SYT7: variants seen among roughly 807,000 people sequenced by gnomAD.
The protein encoded by SYT7 is synaptotagmin 7, also known as synaptotagmin-7.
In SYT7, 29 loss-of-function variants were observed where a neutral mutation model predicts 75.1. The observed-to-expected ratio is 0.39, with a 90% CI of 0.29 to 0.53. The LOEUF (loss-of-function observed/expected upper bound fraction) is 0.53, where lower values mean the gene tolerates loss of function less well. SYT7 is among the 20% of genes least tolerant of loss of function. The probability of loss-of-function intolerance (pLI) is 0.77; values close to 1 mark genes in which losing one functional copy is unlikely to be tolerated. For missense variants in SYT7, 693 were observed against 953.2 expected (o/e 0.73, Z 3.59); for synonymous variants, 376 against 401.7 (o/e 0.94, Z 0.76).
At chr11:61,560,909 C>T (rs1298011999) in intron 1 of SYT7, among the ~76,000 whole-genome samples, 1 of 152,098 alleles carries the variant, frequency 6.6e-6, no homozygotes, top group Non-Finnish European at 1.5e-5. Context: ...GTACCTCTCG[C>T]AGAGCCGAAT....
intron 5 of SYT7, among the ~76,000 whole-genome samples, chr11:61,544,494 G>C (rs1378858203): frequency 6.6e-6 from 1 of 152,184 alleles, no homozygotes; most frequent in African/African-American, 2.4e-5. Context: ...TGAAATCCAG[G>C]CTACCTCCAG....
rs772515471 is a variant in SYT7 at position 61,556,226 on chromosome 11, G to C, written c.32-19C>G. 1.2e-6 allele frequency: 2 copies of C among 1,604,000 alleles called. No individual in the cohort carries two copies. The highest frequency in any genetic ancestry group is 1.1e-5 in the South Asian group (1 of 89,718). ...GGCGCCCCTGGGGAGGACAGGTACA[G>C]GTCACACCCTCATTGGCCAGGGCCT... On this transcript the variant is annotated intron_variant, in intron 1 of 12. Coordinates refer to ENST00000539008, the MANE Select transcript of SYT7 (RefSeq NM_001365809.2).
intron 8 of SYT7, among the ~76,000 whole-genome samples, chr11:61,531,537 G>C (rs571137965): frequency 2.6e-4 from 39 of 152,148 alleles, no homozygotes; most frequent in African/African-American, 8.9e-4. Flanking sequence ...GGAGAGGTGG[G>C]GAGGCCCAAG....
At chr11:61,544,817 C>A (rs2063140094) in intron 5 of SYT7, among the ~76,000 whole-genome samples, 2 of 152,198 alleles carry the variant, frequency 1.3e-5, no homozygotes, top group Admixed American at 6.5e-5. Context: ...GTGGGACCCT[C>A]CTGGGGCCAG....
At chr11:61,581,663 C>CT (rs2064278992), upstream of SYT7, among the ~76,000 whole-genome samples, 1 of 152,226 alleles carries the variant, frequency 6.6e-6, no homozygotes, top group Non-Finnish European at 1.5e-5. Flanking sequence ...CAGGTGGAGC[C>CT]GAAAGGGCTA....
chr11:61,558,980 G>A (rs1413789010), intron 1 of SYT7, among the ~76,000 whole-genome samples: 1 of 152,158 alleles, frequency 6.6e-6, no homozygotes, highest in Non-Finnish European at 1.5e-5. Context: ...CTGACCTCAG[G>A]TGATCCATCC....
intron 6 of SYT7, chr11:61,541,125 CAG>C: frequency 1.0e-6 from 1 of 985,516 alleles, no homozygotes; most frequent in Non-Finnish European, 1.2e-6. Context: ...GCTGAGGTCT[CAG>C]AGGAGAGACA....
chr11:61,588,305 G>T, the SYT7 span, among the ~76,000 whole-genome samples: 1 of 152,154 alleles, frequency 6.6e-6, no homozygotes, highest in Non-Finnish European at 1.5e-5. Flanking sequence ...TGCCAGGCCC[G>T]GGTGCCAAGT....
rs1388578660 is a variant in SYT7 at position 61,546,337 on chromosome 11, T to G, written c.348-82A>C. 4.3e-6 allele frequency: 4 copies of G among 928,914 alleles called. No individual in the cohort carries two copies. Among genetic ancestry groups the G allele is most frequent in the Non-Finnish European group, 6.1e-6 (4 of 658,206 alleles). The allele number at this position is 928,914 out of a possible 1,614,324, so 57.5% of individuals were successfully genotyped here. On this transcript the variant is annotated intron_variant, in intron 4 of 12. Transcript: ENST00000539008. The surrounding 1 kb of genome is among the most constrained non-coding windows in gnomAD (Gnocchi z 7.6). ...AGAGAGGGCAGGCCATACGTGGGGG[T>G]CGGGGGGTGGAAGAGGAAGAAAAAC... is the stretch of plus-strand genomic sequence containing the variant.
At chr11:61,532,302 T>G (rs113394075) in intron 8 of SYT7, among the ~76,000 whole-genome samples, 1 of 152,050 alleles carries the variant, frequency 6.6e-6, no homozygotes, top group African/African-American at 2.4e-5. Context: ...CTTTGGAAAG[T>G]ACAGGTGGGG....
intron 1 of SYT7, among the ~76,000 whole-genome samples, chr11:61,558,563 G>A (rs1338745466): frequency 6.6e-6 from 1 of 151,278 alleles, no homozygotes; most frequent in African/African-American, 2.5e-5. Flanking sequence ...GAGGGTGTGT[G>A]TTTGTTGGGG....
intron 3 of SYT7, among the ~76,000 whole-genome samples, chr11:61,547,817 G>C (rs1035786587): frequency 6.6e-6 from 1 of 152,172 alleles, no homozygotes; most frequent in African/African-American, 2.4e-5. Context: ...CCTGTCAAAG[G>C]AGAAGACTGG....
upstream of SYT7, among the ~76,000 whole-genome samples, chr11:61,584,888 G>T (rs1207254635): frequency 6.6e-6 from 1 of 152,246 alleles, no homozygotes; most frequent in African/African-American, 2.4e-5. Flanking sequence ...CCCTACAGAA[G>T]GGGGGCCCAA....
intron 9 of SYT7, among the ~76,000 whole-genome samples, chr11:61,527,596 C>T (rs1158374877): frequency 6.6e-6 from 1 of 152,168 alleles, no homozygotes; most frequent in South Asian, 2.1e-4. Flanking sequence ...CCCAGCTTCC[C>T]TCCTCGGCCT....
intron 6 of SYT7, among the ~76,000 whole-genome samples, chr11:61,538,589 G>A (rs536624110): frequency 2.6e-4 from 39 of 152,260 alleles, no homozygotes; most frequent in African/African-American, 8.7e-4. Context: ...GAGCTAAACT[G>A]CAAGGGGCTG....
rs1214842941 is a variant in SYT7, at chr11:61,514,008, G to C, written c.*4619C>G. On this transcript the variant is annotated 3_prime_UTR_variant, in exon 13 of 13. Coordinates refer to ENST00000539008, the MANE Select transcript of SYT7 (RefSeq NM_001365809.2). ...CCAGAAAGCAGCAGTATCCAGGGGG[G>C]GACTCACAGGAGAAAGAAAACACCA... 6.6e-6 allele frequency among the ~76,000 whole-genome samples: 1 copy of C among 152,012 alleles called. No individual in the cohort carries two copies. Among genetic ancestry groups the C allele is most frequent in the Non-Finnish European group, 1.5e-5 (1 of 68,024 alleles).
Position 61,523,217 on chromosome 11 carries a change from G to C in SYT7, c.1814C>G (p.Thr605Arg). 6.2e-7 allele frequency: 1 copy of C among 1,614,158 alleles called. No homozygotes were observed. Among genetic ancestry groups the C allele is most frequent in the Non-Finnish European group, 8.5e-7 (1 of 1,180,046 alleles). The change falls in exon 12 of 13, where the codon ACG becomes AGG. Residue 605 changes from threonine to arginine, a missense_variant. By Grantham distance (71) the Thr-to-Arg change is moderately conservative. Around this residue, in one of 2 missense-constraint regions of SYT7, gnomAD observed 206 missense variants for 360.0 expected, o/e 0.57. Coordinates refer to ENST00000539008, the MANE Select transcript of SYT7 (RefSeq NM_001365809.2). This position sits in a 1 kb window ranked among gnomAD's most constrained non-coding sequence, Gnocchi z 5.0. ...YKDKRVEKKKTVTMKRNLNPI... is the reference protein window; with the variant it reads ...YKDKRVEKKKRVTMKRNLNPI... ...GTTCAGGTTCCTCTTCATCGTCACCGTCTTCTTCTTCTCCACCCGCTTGTC... is the reference window on the plus strand; with the variant it reads ...GTTCAGGTTCCTCTTCATCGTCACCCTCTTCTTCTTCTCCACCCGCTTGTC...
chr11:61,548,424 C>A (rs1157371408), intron 3 of SYT7, among the ~76,000 whole-genome samples: 4 of 152,128 alleles, frequency 2.6e-5, no homozygotes, highest in Admixed American at 2.6e-4. Context: ...GCCTGGAAAC[C>A]CTGGGAGCCA....
At chr11:61,566,290 C>T (rs1218759777) in intron 1 of SYT7, among the ~76,000 whole-genome samples, 3 of 152,216 alleles carry the variant, frequency 2.0e-5, no homozygotes, top group African/African-American at 7.2e-5. Context: ...CACCTCACCT[C>T]ACCTCACCAC....
Sources: allele counts gnomAD v4.1 joint callset (sites outside exome capture counted in the v4.1 genomes callset), GRCh38; gene constraint gnomAD v4.1.1; regional missense constraint gnomAD v4.1.1; non-coding constraint Gnocchi (gnomAD v3.1); transcripts MANE v1.5; gene names NCBI Gene and HGNC (gene_info 2026-07-23, HGNC 2026-07-21).